CIMAP3: variants seen among roughly 807,000 people sequenced by gnomAD.
The protein encoded by CIMAP3 is ciliary microtubule-associated protein 3.
At chr1:111,329,373 G>T in the CIMAP3 span, among the ~76,000 whole-genome samples, 1 of 151,744 alleles carries the variant, frequency 6.6e-6, no homozygotes, top group Non-Finnish European at 1.5e-5. Context: ...TGTATTTCCT[G>T]AATTTGACTG....
chr1:111,346,445 A>C, the CIMAP3 span: 1 of 610,936 alleles, frequency 1.6e-6, no homozygotes, highest in Admixed American at 3.1e-5. Context: ...CTCTACCCGC[A>C]GCCCAGCTAC....
chr1:111,337,642 C>T, the CIMAP3 span, among the ~76,000 whole-genome samples: 1 of 152,208 alleles, frequency 6.6e-6, no homozygotes, highest in Non-Finnish European at 1.5e-5. Flanking sequence ...ACAAGAAGAG[C>T]TAACTATCCT....
At chr1:111,326,565 C>A in the CIMAP3 span, among the ~76,000 whole-genome samples, 2 of 152,028 alleles carry the variant, frequency 1.3e-5, no homozygotes, top group Non-Finnish European at 2.9e-5. Flanking sequence ...TATATCTTTA[C>A]AATTGTGAAT....
chr1:111,338,612 G>A, the CIMAP3 span, among the ~76,000 whole-genome samples: 8 of 152,120 alleles, frequency 5.3e-5, no homozygotes, highest in East Asian at 5.8e-4. Flanking sequence ...AGAGGAAATC[G>A]ATAAATTCCT....
the CIMAP3 span, among the ~76,000 whole-genome samples, chr1:111,341,532 C>T: frequency 1.3e-3 from 204 of 152,184 alleles, no homozygotes; most frequent in Middle Eastern, 3.4e-3. Context: ...GTGTGAACTT[C>T]GCAAGTCACC....
chr1:111,335,163 A>G, the CIMAP3 span, among the ~76,000 whole-genome samples: 916 of 150,862 alleles, frequency 6.1e-3, 19 homozygotes, highest in African/African-American at 0.021. Context: ...AGACAGAAAA[A>G]AAAAGAAACA....
chr1:111,347,115 A>G, the CIMAP3 span: 4 of 1,497,950 alleles, frequency 2.7e-6, no homozygotes, highest in East Asian at 4.7e-5. Context: ...CCAAGTTTCC[A>G]AGTTTCGTAA....
chr1:111,330,301 C>T, the CIMAP3 span, among the ~76,000 whole-genome samples: 1 of 152,164 alleles, frequency 6.6e-6, no homozygotes, highest in Non-Finnish European at 1.5e-5. Context: ...GGTTCTTTCT[C>T]ATCTCTGACT....
the CIMAP3 span, among the ~76,000 whole-genome samples, chr1:111,335,703 G>C: frequency 0.015 from 2,310 of 152,362 alleles, 194 homozygotes; most frequent in Admixed American, 0.13. Context: ...CCGGAAGCTC[G>C]AACTGGGTGG....
At chr1:111,348,623 C>G in the CIMAP3 span, 1 of 1,605,556 alleles carries the variant, frequency 6.2e-7, no homozygotes, top group Admixed American at 1.7e-5. Flanking sequence ...TTAAGAACTA[C>G]CCAAAGGACA....
the CIMAP3 span, among the ~76,000 whole-genome samples, chr1:111,329,312 T>A: frequency 6.6e-6 from 1 of 151,762 alleles, no homozygotes; most frequent in Non-Finnish European, 1.5e-5. Flanking sequence ...GAAAATCTGA[T>A]GATTGTGTCT....
the CIMAP3 span, among the ~76,000 whole-genome samples, chr1:111,338,899 CA>C: frequency 6.6e-6 from 1 of 151,884 alleles, no homozygotes; most frequent in African/African-American, 2.4e-5. Flanking sequence ...GAGACACAAC[CA>C]AAAAAGAGAA....
chr1:111,342,166 C>T, the CIMAP3 span, among the ~76,000 whole-genome samples: 2 of 152,054 alleles, frequency 1.3e-5, no homozygotes. Flanking sequence ...CTAAAAGCGG[C>T]AAGAGAAAAG....
At chr1:111,351,717 C>T in the CIMAP3 span, 1 of 161,594 alleles carries the variant, frequency 6.2e-6, no homozygotes, top group Non-Finnish European at 1.3e-5. Context: ...GGGATTTGGG[C>T]TTGCTAGATA....
At chr1:111,331,545 T>G in the CIMAP3 span, among the ~76,000 whole-genome samples, 1 of 152,152 alleles carries the variant, frequency 6.6e-6, no homozygotes, top group Non-Finnish European at 1.5e-5. Context: ...ATTTGTTTGG[T>G]TCTTTTTTAT....
At chr1:111,332,856 C>T in the CIMAP3 span, among the ~76,000 whole-genome samples, 2 of 152,284 alleles carry the variant, frequency 1.3e-5, no homozygotes, top group South Asian at 2.1e-4. Context: ...GGGGCTTGCC[C>T]TCCAGGGGCG....
At chr1:111,347,618 C>CTTTTTTTTTTT in the CIMAP3 span, 10 of 929,666 alleles carry the variant, frequency 1.1e-5, 1 homozygote, top group South Asian at 5.6e-5. Flanking sequence ...GTTGTTTTTT[C>CTTTTTTTTTTT]TTTCTTTTTT....
chr1:111,348,676 A>G, the CIMAP3 span: 4 of 1,544,634 alleles, frequency 2.6e-6, no homozygotes, highest in South Asian at 5.0e-5. Flanking sequence ...GTGCACTTCA[A>G]CAAAAAAAGC....
the CIMAP3 span, among the ~76,000 whole-genome samples, chr1:111,329,516 CATATATATATATAT>C: frequency 0.12 from 12,977 of 106,088 alleles, 972 homozygotes; most frequent in Middle Eastern, 0.17. Context: ...CACATAAACC[CATATATATATATAT>C]ATATATATAT....
Sources: allele counts gnomAD v4.1 joint callset (sites outside exome capture counted in the v4.1 genomes callset), GRCh38; gene constraint gnomAD v4.1.1; transcripts MANE v1.5; gene names NCBI Gene and HGNC (gene_info 2026-07-23, HGNC 2026-07-21).